Variants in ZNF25 observed in about 807,000 individuals in gnomAD.
ZNF25 encodes the protein zinc finger protein 25, also known as zinc finger protein 25 (KOX 19).
ZNF25 carries 21 observed loss-of-function variants against 30.9 expected under a neutral mutation model. The observed-to-expected ratio is 0.68, with a 90% CI of 0.48 to 0.98. ZNF25 has a LOEUF of 0.98. ZNF25 is among the 50% of genes least tolerant of loss of function. The probability of loss-of-function intolerance (pLI) is 0.00; values close to 1 mark genes in which losing one functional copy is unlikely to be tolerated. For synonymous variants in ZNF25, 169 were observed against 181.3 expected (o/e 0.93, Z 0.55); for missense variants, 501 against 529.9 (o/e 0.95, Z 0.54).
rs1302514100 is a variant in ZNF25 at position 37,952,232 on chromosome 10, C to T, written c.1266G>A (p.Gly422=). ...ACTCCTGACACTCATAGGGCTTCTC[C>T]CCTGTGTGTTTTCTCTGATGTATAA... is the stretch of plus-strand genomic sequence containing the variant. ...HFIIHQRKHT[G]EKPYECQECG... The change falls in exon 6 of 6, where the codon GGG becomes GGA. Residue 422 remains glycine, a synonymous_variant. Transcript: ENST00000302609. The T allele has an allele frequency of 1.2e-6, 2 of 1,614,050 alleles. No individual in the cohort carries two copies.
chr10:37,957,184 A>G, intron 3 of ZNF25, 69 bp from the exon 4 acceptor site: 1 of 1,479,602 alleles, frequency 6.8e-7, no homozygotes, highest in Non-Finnish European at 9.4e-7. Context: ...AAGATGAGGA[A>G]GTGGAGTTTC....
rs758590132 is a variant in ZNF25 at position 37,957,064 on chromosome 10, T to A, written c.194A>T (p.Glu65Val). Reference protein sequence around the residue: ...NAVFKLKQGKEPWILEVEFPH... With the variant: ...NAVFKLKQGKVPWILEVEFPH... ...AAATTCTACTTCTAATATCCATGGC[T>A]CTTTTCCTTGCTTCAACTTGAAGAC... The change falls in exon 4 of 6, where the codon GAG becomes GTG. Residue 65 changes from glutamate (E) to valine (V), a missense_variant. Transcript: ENST00000302609. 1.9e-6 allele frequency: 3 copies of A among 1,614,166 alleles called. No homozygotes were observed. The highest frequency in any genetic ancestry group is 2.5e-6 in the Non-Finnish European group (3 of 1,180,036).
intron 2 of ZNF25, among the ~76,000 whole-genome samples, chr10:37,957,997 G>C (rs1358410875): frequency 6.6e-6 from 1 of 152,180 alleles, no homozygotes; most frequent in African/African-American, 2.4e-5. Flanking sequence ...ACATAGCCTA[G>C]GTGTGCAGTC....
intron 2 of ZNF25, among the ~76,000 whole-genome samples, chr10:37,970,743 T>C (rs2063444799): frequency 6.6e-6 from 1 of 152,222 alleles, no homozygotes; most frequent in African/African-American, 2.4e-5. Flanking sequence ...CTAGCTTCAA[T>C]ATCCTACATA....
intron 2 of ZNF25, among the ~76,000 whole-genome samples, chr10:37,959,678 C>T (rs1344377519): frequency 4.0e-5 from 6 of 149,282 alleles, no homozygotes; most frequent in Admixed American, 1.3e-4. Flanking sequence ...GGTGCAATCT[C>T]GGCTCACTGC....
intron 2 of ZNF25, among the ~76,000 whole-genome samples, chr10:37,965,498 G>A (rs1465773699): frequency 6.6e-6 from 1 of 152,196 alleles, no homozygotes; most frequent in Admixed American, 6.5e-5. Flanking sequence ...ACATTAAAGT[G>A]CTGAAAGAAA....
At position 37,960,481 on chromosome 10, in the gene ZNF25, G is replaced by A. The variant is rs375567907; in HGVS notation, c.16-2935C>T. ...TACAAAAAAAAAAAAAAAATTAGCCGGGCGTGGTGATGGGCGCCTGTAATC... is the reference window on the plus strand; with the variant it reads ...TACAAAAAAAAAAAAAAAATTAGCCAGGCGTGGTGATGGGCGCCTGTAATC... On this transcript the variant is annotated intron_variant, in intron 2 of 5. Transcript: ENST00000302609. Among the ~76,000 whole-genome samples, 70 of 150,924 alleles carry A rather than the reference G, an allele frequency of 4.6e-4. 1 individual carries two copies. Among genetic ancestry groups the A allele is most frequent in the African/African-American group, 1.5e-3 (61 of 41,206 alleles).
chr10:37,965,290 G>T (rs1016215448), intron 2 of ZNF25, among the ~76,000 whole-genome samples: 2 of 152,090 alleles, frequency 1.3e-5, no homozygotes, highest in Non-Finnish European at 2.9e-5. Context: ...CCCCACTGGG[G>T]TACTGCCTAA....
chr10:37,956,744 C>A (rs2062549824), intron 4 of ZNF25, among the ~76,000 whole-genome samples: 1 of 151,878 alleles, frequency 6.6e-6, no homozygotes, highest in Non-Finnish European at 1.5e-5. Context: ...TGGAGAAACC[C>A]CATCTCTACT....
rs1418172798 is a variant in ZNF25 at position 37,951,802 on chromosome 10, C to T, written c.*325G>A. ...CCCTGACAGAAAATGTCTTGACATT[C>T]GTTTTACTTACAGGATTTTTCTCCT... On this transcript the variant is annotated 3_prime_UTR_variant, in exon 6 of 6. Transcript: ENST00000302609. 2 of 234,286 alleles carry T rather than the reference C, an allele frequency of 8.5e-6. No individual in the cohort carries two copies. The highest frequency in any genetic ancestry group is 1.6e-5 in the Non-Finnish European group (2 of 122,102). 14.5% of individuals were successfully genotyped at this position (234,286 alleles called of 1,614,324 possible). A position where few individuals can be genotyped will look rare whatever the true frequency, so the allele number is the denominator to read the frequency against.
chr10:37,971,893 AC>A, intron 1 of ZNF25, 86 bp from the exon 2 acceptor site: 2 of 851,656 alleles, frequency 2.3e-6, no homozygotes, highest in Non-Finnish European at 3.7e-6. Flanking sequence ...CATAGTAAGG[AC>A]CATGATGAAG....
Position 37,950,184 on chromosome 10 carries a change from T to C in ZNF25, c.*1943A>G, listed in dbSNP as rs1287028169. ...GCTAGATCTTAGGCTCAAGGGCATG[T>C]GGTGTCTGCTACAACTACTCAACTC... On this transcript the variant is annotated 3_prime_UTR_variant, in exon 6 of 6. Coordinates refer to ENST00000302609, the MANE Select transcript of ZNF25 (RefSeq NM_145011.4). 1 of 152,652 alleles carries C rather than the reference T, an allele frequency of 6.6e-6. No homozygotes were observed. Among genetic ancestry groups the C allele is most frequent in the African/African-American group, 2.4e-5 (1 of 41,456 alleles). The allele number at this position is 152,652 out of a possible 1,614,324, so 9.5% of individuals were successfully genotyped here.
intron 4 of ZNF25, 106 bp downstream of exon 4, chr10:37,956,914 T>TC: frequency 3.6e-6 from 2 of 549,698 alleles, no homozygotes; most frequent in Non-Finnish European, 5.7e-6. Flanking sequence ...AAACTCTGTT[T>TC]CAAAAAAAAA....
intron 4 of ZNF25, among the ~76,000 whole-genome samples, 195 bp from the exon 5 acceptor site, chr10:37,953,953 C>T (rs563215167): frequency 5.1e-4 from 77 of 152,156 alleles, no homozygotes; most frequent in Non-Finnish European, 7.4e-5. Context: ...GAGGATTCTA[C>T]TTGTAGACCC....
chr10:37,976,159 G>A (rs542472950), intron 1 of ZNF25, among the ~76,000 whole-genome samples: 7 of 152,216 alleles, frequency 4.6e-5, no homozygotes, highest in African/African-American at 1.7e-4. Context: ...GCGTCGAGCC[G>A]CACTGGGACC....
intron 2 of ZNF25, among the ~76,000 whole-genome samples, chr10:37,967,672 T>G (rs2135416365): frequency 6.6e-6 from 1 of 152,246 alleles, no homozygotes; most frequent in African/African-American, 2.4e-5. Context: ...TCACCTAAAG[T>G]GTTAGGATTA....
At chr10:37,963,812 T>C (rs1372036315) in intron 2 of ZNF25, among the ~76,000 whole-genome samples, 1 of 152,088 alleles carries the variant, frequency 6.6e-6, no homozygotes, top group Admixed American at 6.6e-5. Flanking sequence ...CTGTCTCTAC[T>C]AAAAATACAA....
intron 2 of ZNF25, among the ~76,000 whole-genome samples, chr10:37,971,086 G>A (rs556079932): frequency 3.2e-4 from 49 of 152,240 alleles, no homozygotes; most frequent in African/African-American, 1.1e-3. Context: ...AGGCTAAGGC[G>A]GGAGGATCAT....
chr10:37,958,387 T>C (rs766099666), intron 2 of ZNF25, among the ~76,000 whole-genome samples: 7 of 152,194 alleles, frequency 4.6e-5, no homozygotes, highest in Non-Finnish European at 8.8e-5. Context: ...ATTTGGTAGG[T>C]ATGATACCTA....
Sources: gnomAD v4.1 joint callset for allele counts (sites outside exome capture counted in the v4.1 genomes callset) on GRCh38, gnomAD v4.1.1 for gene constraint, MANE v1.5 for transcripts, NCBI Gene and HGNC (gene_info 2026-07-23, HGNC 2026-07-21) for gene names.